VWA3B: variants seen among roughly 807,000 people sequenced by gnomAD.
VWA3B encodes the protein von Willebrand factor A domain-containing protein 3B.
A neutral mutation model predicts 158.3 loss-of-function variants in VWA3B; 138 were observed. The observed-to-expected ratio is 0.87, with a 90% CI of 0.76 to 1.00. The LOEUF (loss-of-function observed/expected upper bound fraction) is 1.00, where lower values mean the gene tolerates loss of function less well. Among genes scored for constraint, VWA3B ranks in the 50% least tolerant of loss-of-function variants. The pLI is 0.00. For synonymous variants in VWA3B, 596 were observed against 587.3 expected (o/e 1.01, Z -0.21); for missense variants, 1,555 against 1,565.1 (o/e 0.99, Z 0.11).
intron 9 of VWA3B, among the ~76,000 whole-genome samples, chr2:98,183,668 AT>A (rs1680776205): frequency 6.6e-6 from 1 of 152,186 alleles, no homozygotes; most frequent in African/African-American, 2.4e-5. Context: ...TTTCAAACAA[AT>A]ATTTATGGAG....
At chr2:98,241,004 G>A (rs1040816350) in intron 19 of VWA3B, among the ~76,000 whole-genome samples, 8 of 152,178 alleles carry the variant, frequency 5.3e-5, no homozygotes, top group Non-Finnish European at 1.0e-4. Context: ...AAGCACAACC[G>A]ACAGTCTCAG....
At chr2:98,177,043 A>C (rs1321949435) in intron 8 of VWA3B, among the ~76,000 whole-genome samples, 1 of 152,172 alleles carries the variant, frequency 6.6e-6, no homozygotes, top group Non-Finnish European at 1.5e-5. Context: ...GTGGTGAGAA[A>C]TCCCTGATGG....
intron 26 of VWA3B, 41 bp from the exon 27 acceptor site, chr2:98,311,778 G>T: frequency 6.6e-7 from 1 of 1,516,216 alleles, no homozygotes; most frequent in Admixed American, 2.2e-5. Flanking sequence ...AGACCCCGCA[G>T]CCATCAAGGC....
chr2:98,236,956 C>T, intron 19 of VWA3B: 1 of 522,636 alleles, frequency 1.9e-6, no homozygotes, highest in Non-Finnish European at 3.2e-6. Context: ...TGGGTGGATC[C>T]CTTGAATCCA....
At chr2:98,247,786 G>T (rs1402867548) in intron 19 of VWA3B, among the ~76,000 whole-genome samples, 3 of 151,988 alleles carry the variant, frequency 2.0e-5, no homozygotes, top group African/African-American at 4.8e-5. Context: ...GCTGATTTTT[G>T]ATCTGAGGAC....
chr2:98,217,342 C>T (rs1684117081), intron 13 of VWA3B, among the ~76,000 whole-genome samples: 1 of 152,176 alleles, frequency 6.6e-6, no homozygotes, highest in Non-Finnish European at 1.5e-5. Context: ...GTGAAGAAGC[C>T]TCTCTCAGCT....
At chr2:98,234,799 G>T in intron 17 of VWA3B, 32 bp downstream of exon 17, 1 of 1,613,698 alleles carries the variant, frequency 6.2e-7, no homozygotes, top group Non-Finnish European at 8.5e-7. Context: ...TGGCCAACCA[G>T]CCTCCCTTTC....
chr2:98,268,915 T>G (rs191947371), intron 21 of VWA3B, among the ~76,000 whole-genome samples: 1 of 152,178 alleles, frequency 6.6e-6, no homozygotes, highest in East Asian at 1.9e-4. Flanking sequence ...GCATGCAAAT[T>G]CTCCACGTAA....
intron 6 of VWA3B, 54 bp from the exon 7 acceptor site, chr2:98,133,770 C>A: frequency 1.3e-6 from 2 of 1,489,434 alleles, no homozygotes; most frequent in Non-Finnish European, 1.9e-6. Flanking sequence ...AAGGAACAAG[C>A]ATGCACGGAC....
rs1684169467 is a variant in VWA3B at position 98,217,963 on chromosome 2, A to C, written c.1954A>C (p.Thr652Pro). 1 of 1,613,444 alleles carries C rather than the reference A, an allele frequency of 6.2e-7. No homozygotes were observed. The highest frequency in any genetic ancestry group is 1.3e-5 in the African/African-American group (1 of 74,838). ...NRFLKEVAAL[T>P]GGEFHFYNFG... is the part of the protein sequence containing the mutation. ...GTTTTTGAAAGAGGTTGCTGCTTTG[A>C]CTGGAGGAGAGTTCCATTTTTATAA... Residue 652 changes from threonine (T) to proline (P), a missense_variant, in exon 14 of 28, where the codon ACT (threonine) becomes CCT (proline). By Grantham distance (38) the Thr-to-Pro change is conservative. Coordinates refer to ENST00000477737, the MANE Select transcript of VWA3B (RefSeq NM_144992.5).
chr2:98,222,720 G>T (rs576308172), intron 14 of VWA3B, among the ~76,000 whole-genome samples: 12 of 152,348 alleles, frequency 7.9e-5, no homozygotes, highest in African/African-American at 2.9e-4. Context: ...GCAAGGACCA[G>T]TGGGGTCCAG....
At chr2:98,187,085 G>A (rs1056610997) in intron 9 of VWA3B, among the ~76,000 whole-genome samples, 4 of 151,950 alleles carry the variant, frequency 2.6e-5, no homozygotes, top group African/African-American at 4.8e-5. Context: ...TCCCAGCCTC[G>A]CTATGGCCAC....
chr2:98,207,708 C>T (rs550090453), intron 12 of VWA3B: 26 of 408,832 alleles, frequency 6.4e-5, no homozygotes, highest in Admixed American at 1.7e-4. Context: ...GAAGCTGATA[C>T]GCTGGCTGAA....
intron 7 of VWA3B, among the ~76,000 whole-genome samples, chr2:98,146,919 T>A (rs532128647): frequency 6.6e-6 from 1 of 152,226 alleles, no homozygotes; most frequent in Admixed American, 6.5e-5. Context: ...GATGTCTTCA[T>A]CAACTGTGTG....
At chr2:98,326,173 A>T in the VWA3B span, among the ~76,000 whole-genome samples, 1 of 152,222 alleles carries the variant, frequency 6.6e-6, no homozygotes, top group Non-Finnish European at 1.5e-5. Flanking sequence ...ATAAACCTCT[A>T]ATTAGCAAGA....
chr2:98,121,135 C>G (rs143466049), intron 4 of VWA3B, among the ~76,000 whole-genome samples, 164 bp from the exon 5 acceptor site: 8 of 152,274 alleles, frequency 5.3e-5, no homozygotes, highest in Non-Finnish European at 1.0e-4. Flanking sequence ...AAACAGCTTG[C>G]TGGTTTTGTT....
At chr2:98,223,598 C>T (rs1389167761) in intron 14 of VWA3B, among the ~76,000 whole-genome samples, 1 of 152,030 alleles carries the variant, frequency 6.6e-6, no homozygotes, top group Non-Finnish European at 1.5e-5. Context: ...AAAATGACAC[C>T]AATTCAATTG....
At chr2:98,218,434 CTG>C (rs1219731411) in intron 14 of VWA3B, among the ~76,000 whole-genome samples, 6 of 152,134 alleles carry the variant, frequency 3.9e-5, no homozygotes, top group Non-Finnish European at 5.9e-5. Flanking sequence ...CTTTAGGAAT[CTG>C]TGTTTTTAAC....
intron 22 of VWA3B, among the ~76,000 whole-genome samples, chr2:98,274,220 A>G (rs1199638825): frequency 6.6e-6 from 1 of 152,178 alleles, no homozygotes; most frequent in East Asian, 1.9e-4. Context: ...TGGAGGAGAC[A>G]TTGCACCAGA....
Sources: allele counts gnomAD v4.1 joint callset (sites outside exome capture counted in the v4.1 genomes callset), GRCh38; gene constraint gnomAD v4.1.1; transcripts MANE v1.5; gene names NCBI Gene and HGNC (gene_info 2026-07-23, HGNC 2026-07-21).